SEMA5A: variants seen among roughly 807,000 people sequenced by gnomAD.
SEMA5A encodes semaphorin 5A, also known as semaphorin-5A.
A neutral mutation model predicts 135.5 loss-of-function variants in SEMA5A; 55 were observed. The observed-to-expected ratio is 0.41, with a 90% CI of 0.33 to 0.51. The LOEUF is 0.51. SEMA5A is among the 20% of genes least tolerant of loss of function. The pLI is 0.37. For synonymous variants in SEMA5A, 580 were observed against 546.5 expected, an observed-to-expected ratio of 1.06 and a Z score of -0.85; for missense variants, 1,290 against 1,419.9, an observed-to-expected ratio of 0.91 and a Z score of 1.47.
intron 5 of SEMA5A, among the ~76,000 whole-genome samples, chr5:9,286,657 T>G (rs1314987233): frequency 6.6e-6 from 1 of 152,220 alleles, no homozygotes; most frequent in Non-Finnish European, 1.5e-5. Context: ...CTTATTCATA[T>G]GTTTTTATTC....
At chr5:9,430,388 T>C (rs1561247225) in intron 2 of SEMA5A, among the ~76,000 whole-genome samples, 2 of 152,308 alleles carry the variant, frequency 1.3e-5, no homozygotes, top group Admixed American at 6.5e-5. Flanking sequence ...TGGCTGAAGA[T>C]AGACATGTGG....
chr5:9,117,451 G>C lies in SEMA5A; in HGVS notation c.1925+1547C>G, dbSNP rs544820478. ...CATTGTTTCAGATTTTGGAATATTG[G>C]TGTATATATAATGAGATATCTTGGG... On this transcript the variant is annotated intron_variant, in intron 15 of 22. Transcript: ENST00000382496. Among the ~76,000 whole-genome samples, 54 of 152,242 alleles carry C rather than the reference G, an allele frequency of 3.5e-4. 1 individual carries two copies. Among genetic ancestry groups the C allele is most frequent in the African/African-American group, 1.1e-3 (44 of 41,558 alleles).
chr5:9,119,666 G>C (rs1326909657), intron 14 of SEMA5A, among the ~76,000 whole-genome samples: 2 of 152,132 alleles, frequency 1.3e-5, no homozygotes, highest in Non-Finnish European at 2.9e-5. Context: ...TTGATAAAGA[G>C]TGTTGTACTG....
chr5:9,352,098 G>GGGGA (rs1554023411), intron 3 of SEMA5A, among the ~76,000 whole-genome samples: 1 of 149,226 alleles, frequency 6.7e-6, no homozygotes, highest in Non-Finnish European at 1.5e-5. Flanking sequence ...ACAGGTCGGG[G>GGGGA]GGGTTACTTA....
At chr5:9,454,831 T>C (rs779366542) in intron 1 of SEMA5A, among the ~76,000 whole-genome samples, 16 of 152,190 alleles carry the variant, frequency 1.1e-4, no homozygotes, top group Non-Finnish European at 2.2e-4. Context: ...AAAAGGAAAT[T>C]TGAGTATCTT....
chr5:9,086,246 G>A (rs1366968273), intron 16 of SEMA5A, among the ~76,000 whole-genome samples: 1 of 152,168 alleles, frequency 6.6e-6, no homozygotes, highest in Non-Finnish European at 1.5e-5. Context: ...GTTTTGAAAT[G>A]TGAGGACATG....
chr5:9,284,056 T>G (rs1439004029), intron 5 of SEMA5A, among the ~76,000 whole-genome samples: 1 of 151,264 alleles, frequency 6.6e-6, no homozygotes, highest in African/African-American at 2.4e-5. Flanking sequence ...TATCAAATGA[T>G]AGATAACAGA....
chr5:9,307,315 T>A (rs3777320), intron 5 of SEMA5A, among the ~76,000 whole-genome samples: 25,477 of 152,134 alleles, frequency 0.17, 2,318 homozygotes, highest in East Asian at 0.24. Flanking sequence ...GGATTGTTTG[T>A]CAAACATATG....
chr5:9,166,251 C>A (rs766741034), intron 11 of SEMA5A, among the ~76,000 whole-genome samples: 1 of 152,116 alleles, frequency 6.6e-6, no homozygotes, highest in Non-Finnish European at 1.5e-5. Context: ...CAGAACAAAG[C>A]CTGGCACATA....
chr5:9,498,183 T>A (rs1735398376), intron 1 of SEMA5A, among the ~76,000 whole-genome samples: 1 of 152,212 alleles, frequency 6.6e-6, no homozygotes, highest in Non-Finnish European at 1.5e-5. Flanking sequence ...ATATGAAAAC[T>A]AACTGATGCA....
chr5:9,086,978 C>A (rs959755907), intron 16 of SEMA5A, among the ~76,000 whole-genome samples: 3 of 152,198 alleles, frequency 2.0e-5, no homozygotes, highest in Admixed American at 6.5e-5. Flanking sequence ...GACTGTCAGG[C>A]AGCAACTCTG....
chr5:9,368,389 T>C (rs1162629384), intron 3 of SEMA5A, among the ~76,000 whole-genome samples: 1 of 152,234 alleles, frequency 6.6e-6, no homozygotes, highest in Non-Finnish European at 1.5e-5. Context: ...TAACGTAATT[T>C]CAAAAATTGG....
chr5:9,051,097 T>C (rs554215602), intron 20 of SEMA5A, among the ~76,000 whole-genome samples: 6 of 152,374 alleles, frequency 3.9e-5, no homozygotes, highest in Admixed American at 3.9e-4. Flanking sequence ...AATATGTCTA[T>C]CGTTAAAAAG....
At chr5:9,046,863 T>TGAA (rs1368615368) in intron 21 of SEMA5A, among the ~76,000 whole-genome samples, 2 of 152,216 alleles carry the variant, frequency 1.3e-5, no homozygotes, top group Non-Finnish European at 2.9e-5. Flanking sequence ...TCCTGACCAC[T>TGAA]GAAGTGCCAG....
chr5:9,388,216 C>T (rs1014102823), intron 2 of SEMA5A, among the ~76,000 whole-genome samples: 2 of 152,148 alleles, frequency 1.3e-5, no homozygotes, highest in Non-Finnish European at 2.9e-5. Flanking sequence ...TTATACATTT[C>T]AATAATGGTT....
In SEMA5A at chr5:9,446,496, C is replaced by T. The variant is rs112660231; in HGVS notation, c.-174-8644G>A. ...GTGCCAGATTTTCAAAAGGCCACCT[C>T]ACTTTTCATGCAGGCAATTTTGAAG... On this transcript the variant is annotated intron_variant, in intron 1 of 22. Transcript: ENST00000382496. 4.8e-4 allele frequency among the ~76,000 whole-genome samples: 73 copies of T among 152,220 alleles called. 1 individual carries two copies. Among genetic ancestry groups the T allele is most frequent in the African/African-American group, 1.6e-3 (68 of 41,540 alleles).
chr5:9,386,675 C>A (rs1755907309), intron 2 of SEMA5A, among the ~76,000 whole-genome samples: 1 of 152,206 alleles, frequency 6.6e-6, no homozygotes, highest in African/African-American at 2.4e-5. Flanking sequence ...GAGTGCCTGC[C>A]ACACCACTGC....
intron 8 of SEMA5A, among the ~76,000 whole-genome samples, chr5:9,221,175 C>G (rs1746930881): frequency 6.6e-6 from 1 of 152,110 alleles, no homozygotes; most frequent in Non-Finnish European, 1.5e-5. Flanking sequence ...TTTAATGGGT[C>G]CTTAAAATCA....
At chr5:9,094,840 T>C (rs1322125486) in intron 16 of SEMA5A, among the ~76,000 whole-genome samples, 1 of 152,196 alleles carries the variant, frequency 6.6e-6, no homozygotes, top group Non-Finnish European at 1.5e-5. Flanking sequence ...TGTGGGATGT[T>C]ACTTTCTCAT....
Sources: gnomAD v4.1 joint callset for allele counts (sites outside exome capture counted in the v4.1 genomes callset) on GRCh38, gnomAD v4.1.1 for gene constraint, MANE v1.5 for transcripts, NCBI Gene and HGNC (gene_info 2026-07-23, HGNC 2026-07-21) for gene names.